Variants in TRAIP observed in about 807,000 individuals in gnomAD.
TRAIP encodes E3 ubiquitin-protein ligase TRAIP.
A neutral mutation model predicts 65.0 loss-of-function variants in TRAIP; 37 were observed. The observed-to-expected ratio is 0.57, with a 90% confidence interval of 0.44 to 0.75. The LOEUF is 0.75. TRAIP is among the 30% of genes least tolerant of loss of function. The probability of loss-of-function intolerance (pLI) is 0.00; values close to 1 mark genes in which losing one functional copy is unlikely to be tolerated. For synonymous variants in TRAIP, 187 were observed against 219.1 expected (o/e 0.85, Z 1.29); for missense variants, 481 against 579.4 (o/e 0.83, Z 1.74).
intron 1 of TRAIP, among the ~76,000 whole-genome samples, chr3:49,849,410 G>A (rs1361316603): frequency 2.0e-5 from 3 of 151,854 alleles, no homozygotes; most frequent in Non-Finnish European, 4.4e-5. Context: ...CAGATCACAA[G>A]GTCAGGAGAT....
At position 49,840,736 on chromosome 3, in the gene TRAIP, G is replaced by C. The variant is rs562493891; in HGVS notation, c.705+249C>G. Reference sequence around the variant, plus strand: ...CCAGCTGAGAGGTACCCAGGAGCCAGGAAGAGCAGAGGGGAGCATCAGTGT... The same window carrying C: ...CCAGCTGAGAGGTACCCAGGAGCCACGAAGAGCAGAGGGGAGCATCAGTGT... On this transcript the variant is annotated intron_variant, in intron 8 of 14. Coordinates refer to ENST00000331456, the MANE Select transcript of TRAIP (RefSeq NM_005879.3). Among the ~76,000 whole-genome samples the C allele has an allele frequency of 1.3e-3, 192 of 152,352 alleles. 1 individual carries two copies. The highest frequency in any genetic ancestry group is 4.2e-3 in the African/African-American group (175 of 41,582).
chr3:49,840,946 A>G (rs2081833655), intron 8 of TRAIP, 39 bp downstream of exon 8: 1 of 1,581,796 alleles, frequency 6.3e-7, no homozygotes, highest in Non-Finnish European at 8.7e-7. Flanking sequence ...ACAAAAGGAG[A>G]GCCACTTCTC....
intron 10 of TRAIP, among the ~76,000 whole-genome samples, chr3:49,834,061 A>C (rs1407864807): frequency 6.6e-6 from 1 of 152,154 alleles, no homozygotes; most frequent in Non-Finnish European, 1.5e-5. Flanking sequence ...TCCAGAACAG[A>C]GCTAAGGCCT....
At chr3:49,844,390 CCCA>C in intron 4 of TRAIP, 148 bp downstream of exon 4, 2 of 833,128 alleles carry the variant, frequency 2.4e-6, no homozygotes, top group Non-Finnish European at 1.9e-6. Context: ...TCTTTTTCTG[CCCA>C]CCACAACAGC....
intron 10 of TRAIP, among the ~76,000 whole-genome samples, chr3:49,833,617 C>T (rs1163002791): frequency 4.6e-5 from 7 of 151,926 alleles, no homozygotes; most frequent in Non-Finnish European, 1.0e-4. Context: ...GTAGCTGGGG[C>T]TACAGGCGCC....
At chr3:49,840,110 G>A (rs1300222680) in intron 9 of TRAIP, among the ~76,000 whole-genome samples, 174 bp downstream of exon 9, 1 of 152,202 alleles carries the variant, frequency 6.6e-6, no homozygotes, top group African/African-American at 2.4e-5. Flanking sequence ...CTGTTGAGGA[G>A]GCCCAGGCTC....
intron 10 of TRAIP, among the ~76,000 whole-genome samples, chr3:49,834,047 C>G (rs1422625126): frequency 6.6e-6 from 1 of 152,158 alleles, no homozygotes; most frequent in Non-Finnish European, 1.5e-5. Flanking sequence ...TCAAAGCTCC[C>G]CTTTCCAGAA....
intron 6 of TRAIP, 147 bp downstream of exon 6, chr3:49,842,306 C>A: frequency 1.4e-6 from 1 of 719,992 alleles, no homozygotes; most frequent in South Asian, 1.7e-5. Context: ...TCTGTGCCCA[C>A]ACCCAGCTGA....
chr3:49,840,296 G>A lies in TRAIP; in HGVS notation c.783C>T (p.Asp261=). The part of the protein sequence containing the change: ...KSAQKDLQSA[D]KEIMSLKKKL... ...GGATGTCCCTCACCATGATTTCCTT[G>A]TCAGCACTCTGTAAGTCCTTCTGGG... The change falls in exon 9 of 15, where the codon GAC becomes GAT. Residue 261 remains aspartate, a synonymous_variant. Transcript: ENST00000331456. 1 of 1,614,042 alleles carries A rather than the reference G, an allele frequency of 6.2e-7. No homozygotes were observed. The highest frequency in any genetic ancestry group is 8.5e-7 in the Non-Finnish European group (1 of 1,179,886).
At chr3:49,829,949 G>A in intron 12 of TRAIP, 71 bp downstream of exon 12, 1 of 1,601,464 alleles carries the variant, frequency 6.2e-7, no homozygotes, top group Non-Finnish European at 8.6e-7. Flanking sequence ...CAAGGCTCTG[G>A]CAAGACCGTG....
chr3:49,833,655 AT>A lies in TRAIP; in HGVS notation c.885-1588del, dbSNP rs200338409. 1.8e-3 allele frequency among the ~76,000 whole-genome samples: 280 copies of A among 151,774 alleles called. 6 individuals carry two copies. The East Asian group carries it at 0.047, about 25-fold the overall frequency. ...CCACCACGCCCAGCTAATTTTTTGT[AT>A]TTTTAGTAGAGATGGGGTTACACCG... On this transcript the variant is annotated intron_variant, in intron 10 of 14. Transcript: ENST00000331456.
intron 1 of TRAIP, among the ~76,000 whole-genome samples, chr3:49,850,226 C>A (rs1423321994): frequency 2.0e-5 from 3 of 152,026 alleles, no homozygotes; most frequent in Admixed American, 1.3e-4. Flanking sequence ...GCAGGCCAGG[C>A]CCAGTGGCTC....
At chr3:49,848,117 A>G (rs2081901432) in intron 2 of TRAIP, 26 bp downstream of exon 2, 2 of 1,611,512 alleles carry the variant, frequency 1.2e-6, no homozygotes, top group East Asian at 2.2e-5. Flanking sequence ...TCTTCAGTTG[A>G]GGTGGTCCCA....
At chr3:49,834,159 GA>G (rs1223292380) in intron 10 of TRAIP, among the ~76,000 whole-genome samples, 1 of 152,154 alleles carries the variant, frequency 6.6e-6, no homozygotes, top group Non-Finnish European at 1.5e-5. Context: ...CTACCCTAAG[GA>G]AAGGTCTCCC....
intron 1 of TRAIP, among the ~76,000 whole-genome samples, chr3:49,849,611 C>T (rs964801029): frequency 9.2e-5 from 14 of 151,640 alleles, no homozygotes; most frequent in African/African-American, 2.7e-4. Context: ...GGCGACAGAG[C>T]GAGACTCCAT....
intron 1 of TRAIP, among the ~76,000 whole-genome samples, chr3:49,852,271 G>A (rs556257382): frequency 6.6e-6 from 1 of 151,910 alleles, no homozygotes; most frequent in African/African-American, 2.4e-5. Flanking sequence ...GGAGGTTGAC[G>A]CAGGAGAATT....
rs2108307927 is a variant in TRAIP at position 49,829,166 on chromosome 3, C to T, written c.1347G>A (p.Arg449=). Residue 449 remains arginine (R), a synonymous_variant, in exon 15 of 15, where the codon AGG becomes AGA. Transcript: ENST00000331456. The stretch of plus-strand genomic sequence containing the variant: ...GAGAAGGCACTGTCTTCACCCTCAC[C>T]CTCTGCTTAACCTTGGTCTTGGGCT... ...PVKPKTKVKQ[R]VRVKTVPSLF... is the part of the protein sequence containing the mutation. 6.2e-7 allele frequency: 1 copy of T among 1,614,242 alleles called. No individual in the cohort carries two copies. Among genetic ancestry groups the T allele is most frequent in the Non-Finnish European group, 8.5e-7 (1 of 1,180,044 alleles).
At chr3:49,840,133 G>A in intron 9 of TRAIP, 151 bp downstream of exon 9, 1 of 751,260 alleles carries the variant, frequency 1.3e-6, no homozygotes, top group East Asian at 2.7e-5. Context: ...GTCCGGACCA[G>A]GGCCAAGGGG....
chr3:49,847,483 A>G (rs1348357743), intron 3 of TRAIP, 42 bp downstream of exon 3: 2 of 1,314,132 alleles, frequency 1.5e-6, no homozygotes, highest in Admixed American at 2.1e-5. Context: ...GTGAACTCGC[A>G]CAAGGCTTGG....
Sources: gnomAD v4.1 joint callset for allele counts (sites outside exome capture counted in the v4.1 genomes callset) on GRCh38, gnomAD v4.1.1 for gene constraint, MANE v1.5 for transcripts, NCBI Gene and HGNC (gene_info 2026-07-23, HGNC 2026-07-21) for gene names.